THSD4: variants seen among roughly 807,000 people sequenced by gnomAD.
The protein encoded by THSD4 is thrombospondin type 1 domain containing 4, also known as thrombospondin type-1 domain-containing protein 4.
A neutral mutation model predicts 119.0 loss-of-function variants in THSD4; 69 were observed. That is an observed-to-expected ratio of 0.58 (90% CI 0.48 to 0.71). The LOEUF (loss-of-function observed/expected upper bound fraction) is 0.71. Among genes scored for constraint, THSD4 ranks in the 30% least tolerant of loss-of-function variants. The pLI is 0.00. For synonymous variants in THSD4, 524 were observed against 540.4 expected (o/e 0.97, Z 0.42); for missense variants, 1,393 against 1,391.1 (o/e 1.00, Z -0.02).
At chr15:71,273,967 A>G (rs1377372728) in intron 6 of THSD4, among the ~76,000 whole-genome samples, 1 of 152,188 alleles carries the variant, frequency 6.6e-6, no homozygotes, top group East Asian at 1.9e-4. Flanking sequence ...CAGTCTCATT[A>G]GTGTGCTGCT....
intron 7 of THSD4, among the ~76,000 whole-genome samples, chr15:71,434,493 A>C (rs1417170380): frequency 7.3e-6 from 1 of 136,114 alleles, no homozygotes; most frequent in Non-Finnish European, 1.5e-5. Context: ...GATTGATAGA[A>C]GTCTCCTCTA....
At chr15:71,515,830 G>C (rs893891260) in intron 7 of THSD4, among the ~76,000 whole-genome samples, 4 of 152,192 alleles carry the variant, frequency 2.6e-5, no homozygotes, top group African/African-American at 9.7e-5. Flanking sequence ...TTGCCGGAAA[G>C]TGGGTGTTAA....
intron 6 of THSD4, among the ~76,000 whole-genome samples, chr15:71,272,891 TG>T (rs2044548840): frequency 6.6e-6 from 1 of 151,292 alleles, no homozygotes; most frequent in Non-Finnish European, 1.5e-5. Flanking sequence ...AAAAGAAAAA[TG>T]GTAAGTGTTG....
At chr15:71,572,920 T>C (rs2049384002) in intron 7 of THSD4, among the ~76,000 whole-genome samples, 1 of 151,782 alleles carries the variant, frequency 6.6e-6, no homozygotes, top group Admixed American at 6.6e-5. Flanking sequence ...CTGGCCTGAG[T>C]TTAAGATACC....
chr15:71,726,331 A>G (rs1243542468), intron 8 of THSD4, among the ~76,000 whole-genome samples: 1 of 152,188 alleles, frequency 6.6e-6, no homozygotes, highest in African/African-American at 2.4e-5. Flanking sequence ...TCTACAGGCC[A>G]GAGCTCTGGG....
chr15:71,380,072 C>T (rs974748148), intron 6 of THSD4, among the ~76,000 whole-genome samples: 3 of 152,088 alleles, frequency 2.0e-5, no homozygotes, highest in Admixed American at 6.5e-5. Flanking sequence ...CTGTGACCGG[C>T]TGAGACTCAG....
intron 7 of THSD4, among the ~76,000 whole-genome samples, chr15:71,521,115 A>G (rs2048434213): frequency 6.6e-6 from 1 of 152,200 alleles, no homozygotes; most frequent in Non-Finnish European, 1.5e-5. Context: ...TGTTGTAAAT[A>G]GAGAAAAGGA....
At chr15:71,489,611 C>T (rs955308231) in intron 7 of THSD4, among the ~76,000 whole-genome samples, 1 of 152,140 alleles carries the variant, frequency 6.6e-6, no homozygotes, top group Non-Finnish European at 1.5e-5. Flanking sequence ...CTCCGCTTCT[C>T]CACATTTCCT....
chr15:71,315,769 G>A (rs559770125), intron 6 of THSD4, among the ~76,000 whole-genome samples: 2 of 152,322 alleles, frequency 1.3e-5, no homozygotes, highest in South Asian at 4.1e-4. Context: ...TGTCCTTGCT[G>A]TGAAGGAGGA....
At chr15:71,141,215 A>T (rs1185228175) in intron 1 of THSD4, among the ~76,000 whole-genome samples, 1 of 152,188 alleles carries the variant, frequency 6.6e-6, no homozygotes, top group African/African-American at 2.4e-5. Context: ...GATCGTTCTG[A>T]TAGTAATTTA....
At chr15:71,374,774 G>A (rs1361437961) in intron 6 of THSD4, among the ~76,000 whole-genome samples, 1 of 152,146 alleles carries the variant, frequency 6.6e-6, no homozygotes, top group Non-Finnish European at 1.5e-5. Context: ...TTATAAATGT[G>A]CAAAACAATT....
chr15:71,482,721 G>C (rs1800856220), intron 7 of THSD4, among the ~76,000 whole-genome samples: 1 of 152,118 alleles, frequency 6.6e-6, no homozygotes, highest in African/African-American at 2.4e-5. Flanking sequence ...AAGTAGCTGA[G>C]ACTACAGGTG....
chr15:71,337,140 G>C (rs1369658989), intron 6 of THSD4, among the ~76,000 whole-genome samples: 3 of 152,330 alleles, frequency 2.0e-5, no homozygotes, highest in African/African-American at 7.2e-5. Context: ...GGAAGTCTGT[G>C]CATGTGGATG....
chr15:71,250,721 A>G (rs1280321509), intron 5 of THSD4, among the ~76,000 whole-genome samples: 1 of 152,206 alleles, frequency 6.6e-6, no homozygotes, highest in African/African-American at 2.4e-5. Flanking sequence ...TATGTAAATA[A>G]TATAAATAGG....
intron 7 of THSD4, among the ~76,000 whole-genome samples, chr15:71,442,640 GTATA>G (rs1244057874): frequency 0.13 from 1,431 of 10,780 alleles, 250 homozygotes; most frequent in South Asian, 0.21. Flanking sequence ...GTATGTGTGT[GTATA>G]TGTGTGTGTG....
At chr15:71,271,575 C>T (rs2044530915) in intron 6 of THSD4, among the ~76,000 whole-genome samples, 1 of 152,180 alleles carries the variant, frequency 6.6e-6, no homozygotes, top group African/African-American at 2.4e-5. Flanking sequence ...ATACAGTTAT[C>T]AAAATCCATT....
intron 7 of THSD4, among the ~76,000 whole-genome samples, chr15:71,602,193 T>G (rs1213467897): frequency 6.6e-6 from 1 of 152,010 alleles, no homozygotes; most frequent in African/African-American, 2.4e-5. Context: ...AGCCAAAAAA[T>G]AATTAATATA....
chr15:71,459,165 T>TTTTTTTC (rs1251202127), intron 7 of THSD4, among the ~76,000 whole-genome samples: 1 of 147,096 alleles, frequency 6.8e-6, no homozygotes, highest in Non-Finnish European at 1.5e-5. Flanking sequence ...TTTTTCTTTT[T>TTTTTTTC]TTTTTTTTTT....
chr15:71,478,899 G>A (rs780542348), intron 7 of THSD4, among the ~76,000 whole-genome samples: 17 of 152,142 alleles, frequency 1.1e-4, no homozygotes, highest in Non-Finnish European at 2.4e-4. Flanking sequence ...GGTTAACAGA[G>A]ATGAAAGTTT....
Sources: gnomAD v4.1 joint callset for allele counts (sites outside exome capture counted in the v4.1 genomes callset) on GRCh38, gnomAD v4.1.1 for gene constraint, MANE v1.5 for transcripts, NCBI Gene and HGNC (gene_info 2026-07-23, HGNC 2026-07-21) for gene names.